PRKAG2: variants seen among roughly 807,000 people sequenced by gnomAD.
The protein encoded by PRKAG2 is protein kinase AMP-activated non-catalytic subunit gamma 2, also known as 5'-AMP-activated protein kinase subunit gamma-2.
PRKAG2 carries 26 observed loss-of-function variants against 69.6 expected under a neutral mutation model. The observed-to-expected ratio is 0.37, with a 90% CI of 0.27 to 0.52. PRKAG2 has a LOEUF of 0.52. Among genes scored for constraint, PRKAG2 ranks in the 20% least tolerant of loss-of-function variants. PRKAG2 has a pLI of 0.90. For synonymous variants in PRKAG2, 293 were observed against 285.0 expected (o/e 1.03, Z -0.28); for missense variants, 557 against 740.0 (o/e 0.75, Z 2.87).
Position 151,633,695 on chromosome 7 carries a change from G to C in PRKAG2, c.685-1557C>G, listed in dbSNP as rs185917184. Among the ~76,000 whole-genome samples, 12 of 152,098 alleles carry C rather than the reference G, an allele frequency of 7.9e-5. No homozygotes were observed. In the East Asian group the frequency reaches 2.3e-3, roughly 29 times the overall value. On this transcript the variant is annotated intron_variant, in intron 4 of 15. Coordinates refer to ENST00000287878, the MANE Select transcript of PRKAG2 (RefSeq NM_016203.4). Reference sequence around the variant, plus strand: ...AATTAATACTTAGGCATAAACTCAAGAAACCATGTATAGTAGCTGTATGCT... The same window carrying C: ...AATTAATACTTAGGCATAAACTCAACAAACCATGTATAGTAGCTGTATGCT...
intron 1 of PRKAG2, among the ~76,000 whole-genome samples, chr7:151,813,914 C>T (rs955108922): frequency 6.6e-6 from 1 of 152,238 alleles, no homozygotes; most frequent in Non-Finnish European, 1.5e-5. Context: ...GCCCCCACAT[C>T]ATCCCCAGTC....
At chr7:151,686,057 C>G (rs887571566) in intron 3 of PRKAG2, among the ~76,000 whole-genome samples, 14 of 152,252 alleles carry the variant, frequency 9.2e-5, no homozygotes, top group Non-Finnish European at 1.8e-4. Flanking sequence ...CTGAGTCTAA[C>G]CCGACATGCT....
At position 151,782,297 on chromosome 7, in the gene PRKAG2, A is replaced by AAAGGAAGGAAGG. The variant is rs869298573; in HGVS notation, c.187-878_187-867dup. Among the ~76,000 whole-genome samples, 121 of 39,730 alleles carry AAAGGAAGGAAGG rather than the reference A, an allele frequency of 3.0e-3. 3 individuals are homozygous for AAAGGAAGGAAGG. Among genetic ancestry groups the AAAGGAAGGAAGG allele is most frequent in the African/African-American group, 7.8e-3 (83 of 10,604 alleles). The allele number at this position is 39,730 out of a possible 152,430, so 26.1% of individuals were successfully genotyped here. A position where few individuals can be genotyped will look rare whatever the true frequency, so the allele number is the denominator to read the frequency against. On this transcript the variant is annotated intron_variant, in intron 2 of 15. Coordinates refer to ENST00000287878, the MANE Select transcript of PRKAG2 (RefSeq NM_016203.4). ...GACTCCATTTCAAGAGAAAGGAAAGAAAGGAAGGAAGGAAGGAAGGAAGGA... is the reference window on the plus strand; with the variant it reads ...GACTCCATTTCAAGAGAAAGGAAAGAAAGGAAGGAAGGAAGGAAGGAAGGAAGGAAGGAAGGA...
intron 6 of PRKAG2, among the ~76,000 whole-genome samples, chr7:151,592,426 G>A (rs540953061): frequency 1.3e-5 from 2 of 152,242 alleles, no homozygotes; most frequent in East Asian, 1.9e-4. Context: ...GAGTCCAGTC[G>A]GCCTCTCAAG....
At chr7:151,672,063 C>T (rs1322298252) in intron 4 of PRKAG2, among the ~76,000 whole-genome samples, 1 of 151,274 alleles carries the variant, frequency 6.6e-6, no homozygotes, top group African/African-American at 2.4e-5. Flanking sequence ...CTCTTGTTGC[C>T]CTGGGATTAC....
chr7:151,594,933 G>C (rs867065702), intron 6 of PRKAG2, among the ~76,000 whole-genome samples: 2 of 152,094 alleles, frequency 1.3e-5, no homozygotes, highest in African/African-American at 2.4e-5. Flanking sequence ...TGAGTAGCTG[G>C]GACTACAGGC....
chr7:151,600,318 A>G (rs1386362259), intron 5 of PRKAG2, among the ~76,000 whole-genome samples: 3 of 152,210 alleles, frequency 2.0e-5, no homozygotes, highest in Admixed American at 1.3e-4. Context: ...GAAGAAAAAC[A>G]TGTAGTGTAT....
intron 1 of PRKAG2, among the ~76,000 whole-genome samples, chr7:151,866,226 C>G (rs567721327): frequency 6.6e-6 from 1 of 152,138 alleles, no homozygotes; most frequent in South Asian, 2.1e-4. Context: ...TCAGCCTGAC[C>G]GTCCAGCCTC....
chr7:151,819,489 C>T (rs1160146291), intron 1 of PRKAG2, among the ~76,000 whole-genome samples: 1 of 152,192 alleles, frequency 6.6e-6, no homozygotes, highest in East Asian at 1.9e-4. Flanking sequence ...TGCTGAGTGG[C>T]TGTGCTGAGA....
intron 1 of PRKAG2, among the ~76,000 whole-genome samples, chr7:151,808,303 G>T (rs1199688713): frequency 6.6e-6 from 1 of 152,180 alleles, no homozygotes; most frequent in Non-Finnish European, 1.5e-5. Context: ...AAATACTCTG[G>T]ATTCTTTTTT....
chr7:151,740,092 C>T (rs1586200063), intron 3 of PRKAG2, among the ~76,000 whole-genome samples: 1 of 152,214 alleles, frequency 6.6e-6, no homozygotes, highest in Non-Finnish European at 1.5e-5. Flanking sequence ...TTGGGAGGCA[C>T]CGGACAGTCA....
At chr7:151,701,724 C>T (rs991632458) in intron 3 of PRKAG2, among the ~76,000 whole-genome samples, 1 of 149,304 alleles carries the variant, frequency 6.7e-6, no homozygotes, top group African/African-American at 2.6e-5. Context: ...CACCTGTAGT[C>T]CCCAGCTACT....
At chr7:151,599,203 G>A (rs1158508885) in intron 5 of PRKAG2, among the ~76,000 whole-genome samples, 1 of 152,094 alleles carries the variant, frequency 6.6e-6, no homozygotes, top group Non-Finnish European at 1.5e-5. Context: ...GGGGTTGATA[G>A]CACACTGATA....
chr7:151,816,133 G>C (rs890008016), intron 1 of PRKAG2, among the ~76,000 whole-genome samples: 2 of 152,134 alleles, frequency 1.3e-5, no homozygotes, highest in Non-Finnish European at 2.9e-5. Context: ...ACTTTGGGGG[G>C]CCTCTGTAGG....
chr7:151,796,323 C>A (rs2077534371), intron 1 of PRKAG2, among the ~76,000 whole-genome samples: 1 of 152,168 alleles, frequency 6.6e-6, no homozygotes, highest in African/African-American at 2.4e-5. Flanking sequence ...CAGTGAGACA[C>A]CCACAGGCCC....
chr7:151,869,941 G>A (rs1166132177), intron 1 of PRKAG2, among the ~76,000 whole-genome samples: 1 of 152,250 alleles, frequency 6.6e-6, no homozygotes, highest in African/African-American at 2.4e-5. Context: ...CTGAAGGGCT[G>A]AGTCAAGAAA....
intron 5 of PRKAG2, among the ~76,000 whole-genome samples, chr7:151,603,503 A>C (rs559255649): frequency 1.2e-5 from 1 of 84,558 alleles, no homozygotes; most frequent in Non-Finnish European, 2.2e-5. Context: ...CTCACCGCAC[A>C]CGGAGGGACA....
intron 5 of PRKAG2, among the ~76,000 whole-genome samples, chr7:151,600,137 C>CT (rs1258367633): frequency 6.6e-6 from 1 of 152,146 alleles, no homozygotes; most frequent in Non-Finnish European, 1.5e-5. Context: ...GCTGATCCCC[C>CT]TCCTTCCCTC....
intron 3 of PRKAG2, among the ~76,000 whole-genome samples, chr7:151,717,238 C>G (rs1031813799): frequency 6.7e-6 from 1 of 149,212 alleles, no homozygotes; most frequent in Non-Finnish European, 1.5e-5. Context: ...CAGACCGAGA[C>G]CCCATGTCAA....
Sources: gnomAD v4.1 joint callset for allele counts (sites outside exome capture counted in the v4.1 genomes callset) on GRCh38, gnomAD v4.1.1 for gene constraint, MANE v1.5 for transcripts, NCBI Gene and HGNC (gene_info 2026-07-23, HGNC 2026-07-21) for gene names.